SFMBT2: variants seen among roughly 807,000 people sequenced by gnomAD.
The protein encoded by SFMBT2 is scm-like with four MBT domains protein 2.
SFMBT2 carries 38 observed loss-of-function variants against 110.1 expected under a neutral mutation model. That is an observed-to-expected ratio of 0.35 (90% CI 0.27 to 0.45). The LOEUF (loss-of-function observed/expected upper bound fraction) is 0.45, where lower values mean the gene tolerates loss of function less well. Among genes scored for constraint, SFMBT2 ranks in the 20% least tolerant of loss-of-function variants. SFMBT2 has a pLI of 1.00. For missense variants in SFMBT2, 1,011 were observed against 1,094.9 expected (o/e 0.92, Z 1.08); for synonymous variants, 425 against 425.4 (o/e 1.00, Z 0.01).
At chr10:7,327,845 T>C (rs1843442806) in intron 4 of SFMBT2, among the ~76,000 whole-genome samples, 1 of 152,226 alleles carries the variant, frequency 6.6e-6, no homozygotes, top group Admixed American at 6.5e-5. Flanking sequence ...TGAATGAATC[T>C]GTTTGTCATT....
chr10:7,264,424 C>T (rs1000669805), intron 7 of SFMBT2, among the ~76,000 whole-genome samples: 9 of 152,268 alleles, frequency 5.9e-5, no homozygotes, highest in African/African-American at 1.9e-4. Context: ...GGGTATTTTA[C>T]GGAAGTACTT....
At chr10:7,282,722 C>T (rs1208365123) in intron 6 of SFMBT2, among the ~76,000 whole-genome samples, 1 of 152,188 alleles carries the variant, frequency 6.6e-6, no homozygotes, top group African/African-American at 2.4e-5. Context: ...ATTAGAGCCT[C>T]TGAGTGACAG....
intron 4 of SFMBT2, among the ~76,000 whole-genome samples, chr10:7,309,948 T>C (rs1246948476): frequency 6.6e-6 from 1 of 152,146 alleles, no homozygotes; most frequent in Non-Finnish European, 1.5e-5. Flanking sequence ...ATCAGCACTA[T>C]TGACACTCTG....
At chr10:7,250,449 T>C (rs1020978615) in intron 7 of SFMBT2, among the ~76,000 whole-genome samples, 1 of 152,234 alleles carries the variant, frequency 6.6e-6, no homozygotes, top group South Asian at 2.1e-4. Flanking sequence ...CAATATTCCA[T>C]GGTATATATG....
chr10:7,366,116 T>C (rs1355556876), intron 4 of SFMBT2, among the ~76,000 whole-genome samples: 1 of 151,968 alleles, frequency 6.6e-6, no homozygotes, highest in East Asian at 1.9e-4. Flanking sequence ...AAGAGGGAGC[T>C]ATGCTGACAG....
At chr10:7,378,055 A>AGTGTGTGTGTGCATGTGTATGTGGATGGG (rs1491585648) in intron 2 of SFMBT2, among the ~76,000 whole-genome samples, 1 of 138,314 alleles carries the variant, frequency 7.2e-6, no homozygotes, top group African/African-American at 2.8e-5. Flanking sequence ...GGATGGATGG[A>AGTGTGTGTGTGCATGTGTATGTGGATGGG]TGTGAGTGTG....
chr10:7,306,012 C>CT (rs1244508702), intron 4 of SFMBT2, among the ~76,000 whole-genome samples: 3 of 152,260 alleles, frequency 2.0e-5, no homozygotes, highest in African/African-American at 7.2e-5. Context: ...TTACTAAACT[C>CT]TAAGTATTTC....
intron 9 of SFMBT2, chr10:7,241,428 T>C: frequency 1.4e-6 from 1 of 716,834 alleles, no homozygotes; most frequent in East Asian, 1.3e-4. Context: ...TTGCATATAA[T>C]ATCCATGAAG....
intron 11 of SFMBT2, among the ~76,000 whole-genome samples, chr10:7,216,611 C>T (rs1206044315): frequency 6.6e-6 from 1 of 152,128 alleles, no homozygotes; most frequent in Non-Finnish European, 1.5e-5. Flanking sequence ...CCCCTCCTTG[C>T]CAGTGCCCCA....
At chr10:7,214,107 G>T (rs1050563193) in intron 11 of SFMBT2, among the ~76,000 whole-genome samples, 1 of 128,466 alleles carries the variant, frequency 7.8e-6, no homozygotes, top group Admixed American at 7.7e-5. Context: ...AGTCACCAAG[G>T]GTGGTAGAGA....
At chr10:7,230,063 A>T (rs1840070953) in intron 9 of SFMBT2, among the ~76,000 whole-genome samples, 1 of 151,980 alleles carries the variant, frequency 6.6e-6, no homozygotes, top group South Asian at 2.1e-4. Context: ...ACAGTTAAGC[A>T]AAAAAGCAGC....
At chr10:7,411,327 T>C (rs1288622740), upstream of SFMBT2, 2 of 152,296 alleles carry the variant, frequency 1.3e-5, no homozygotes, top group Non-Finnish European at 2.9e-5. Flanking sequence ...TCCTCCTTTT[T>C]GTGAGCTCCC....
At chr10:7,229,671 G>T (rs1840053400) in intron 9 of SFMBT2, among the ~76,000 whole-genome samples, 1 of 149,918 alleles carries the variant, frequency 6.7e-6, no homozygotes, top group Non-Finnish European at 1.5e-5. Context: ...CCCAAGCAAA[G>T]AATACGAATT....
At chr10:7,320,490 A>AT (rs1843153420) in intron 4 of SFMBT2, 5 of 639,024 alleles carry the variant, frequency 7.8e-6, no homozygotes, top group Non-Finnish European at 5.8e-6. Context: ...CTTTCCTTCT[A>AT]TTTTTTTCCT....
chr10:7,189,394 G>A (rs1057001514), intron 15 of SFMBT2, among the ~76,000 whole-genome samples: 11 of 152,130 alleles, frequency 7.2e-5, no homozygotes, highest in Non-Finnish European at 1.5e-4. Context: ...CTCAGAAAGA[G>A]CAGGCATTTC....
intron 4 of SFMBT2, among the ~76,000 whole-genome samples, chr10:7,324,088 T>A (rs1021005607): frequency 6.6e-6 from 1 of 152,264 alleles, no homozygotes; most frequent in African/African-American, 2.4e-5. Context: ...AGTACATGCC[T>A]GTGTAAATAT....
At chr10:7,369,464 G>A (rs1284901195) in intron 3 of SFMBT2, among the ~76,000 whole-genome samples, 2 of 152,168 alleles carry the variant, frequency 1.3e-5, no homozygotes, top group Non-Finnish European at 2.9e-5. Context: ...GCGAAAACCT[G>A]ATAAAAACTG....
intron 4 of SFMBT2, among the ~76,000 whole-genome samples, chr10:7,334,726 C>T (rs368411254): frequency 6.6e-6 from 1 of 152,224 alleles, no homozygotes; most frequent in East Asian, 1.9e-4. Context: ...AGCGCTCTTC[C>T]TCTGACTTGC....
intron 10 of SFMBT2, among the ~76,000 whole-genome samples, chr10:7,221,871 C>T (rs886131861): frequency 1.3e-5 from 2 of 152,176 alleles, no homozygotes; most frequent in African/African-American, 4.8e-5. Context: ...ACAATCAACA[C>T]ACAGAACCAT....
Sources: allele counts gnomAD v4.1 joint callset (sites outside exome capture counted in the v4.1 genomes callset), GRCh38; gene constraint gnomAD v4.1.1; transcripts MANE v1.5; gene names NCBI Gene and HGNC (gene_info 2026-07-23, HGNC 2026-07-21).